LIMS1: variants seen among roughly 807,000 people sequenced by gnomAD.
LIMS1 encodes the protein LIM zinc finger domain containing 1.
In LIMS1, 18 loss-of-function variants were observed where a neutral mutation model predicts 44.1. The ratio of observed to expected loss-of-function variants is 0.41; its 90% CI spans 0.28 to 0.61. The LOEUF is 0.61. Among genes scored for constraint, LIMS1 ranks in the 20% least tolerant of loss-of-function variants. The pLI, the probability that LIMS1 is intolerant of heterozygous loss-of-function variation, is 0.32. For synonymous variants in LIMS1, 93 were observed against 149.1 expected (o/e 0.62, Z 2.74); for missense variants, 201 against 422.0 (o/e 0.48, Z 4.59).
intron 1 of LIMS1, among the ~76,000 whole-genome samples, chr2:108,649,497 A>G (rs1008155666): frequency 6.6e-6 from 1 of 152,216 alleles, no homozygotes; most frequent in Non-Finnish European, 1.5e-5. Flanking sequence ...AGGATTATAA[A>G]TCATTCTATA....
At chr2:108,554,257 C>G (rs972621254) in intron 1 of LIMS1, among the ~76,000 whole-genome samples, 3 of 152,142 alleles carry the variant, frequency 2.0e-5, no homozygotes, top group African/African-American at 7.2e-5. Flanking sequence ...CTAGGAGATG[C>G]TGCTACTTAT....
intron 1 of LIMS1, among the ~76,000 whole-genome samples, chr2:108,585,138 A>C (rs899002454): frequency 7.6e-6 from 1 of 130,784 alleles, no homozygotes; most frequent in African/African-American, 3.0e-5. Context: ...GCAACAGAGC[A>C]TGACTCCGTC....
At chr2:108,586,888 C>T (rs1250705157) in intron 1 of LIMS1, among the ~76,000 whole-genome samples, 19 of 152,168 alleles carry the variant, frequency 1.2e-4, no homozygotes, top group Admixed American at 1.2e-3. Context: ...CACTCGAAAG[C>T]AGCCTTTTCA....
chr2:108,570,147 T>G (rs1685434757), intron 1 of LIMS1, among the ~76,000 whole-genome samples: 4 of 152,080 alleles, frequency 2.6e-5, no homozygotes, highest in Admixed American at 2.0e-4. Context: ...ATAGTAATAC[T>G]AGGCCGGGAA....
chr2:108,657,709 T>C (rs1207590008), intron 1 of LIMS1, among the ~76,000 whole-genome samples: 2 of 152,426 alleles, frequency 1.3e-5, no homozygotes, highest in East Asian at 1.9e-4. Context: ...TACTGAGCAG[T>C]GAAGCTGCTT....
rs905298664 is a variant in LIMS1 at position 108,598,471 on chromosome 2, G to A, written c.33-61134G>A. 2.6e-5 allele frequency among the ~76,000 whole-genome samples: 4 copies of A among 152,288 alleles called. No homozygotes were observed. In the South Asian group the frequency reaches 6.2e-4, roughly 24 times the overall value. The stretch of plus-strand genomic sequence containing the variant: ...AAGGAAAGCTGAAGGTAGGGCAGCC[G>A]GATGGTTAGCTTTGCAGATATGAGG... On this transcript the variant is annotated intron_variant, in intron 1 of 9. Coordinates refer to ENST00000544547, the Ensembl canonical transcript of LIMS1.
exon 3 of LIMS1, chr2:108,670,819 G>A (rs1692115115): frequency 6.2e-7 from 1 of 1,610,972 alleles, no homozygotes; most frequent in Non-Finnish European, 8.5e-7. Flanking sequence ...ACTTTCAGAT[G>A]CTCTTTGCCC....
chr2:108,579,491 C>T (rs1436663319), intron 1 of LIMS1, among the ~76,000 whole-genome samples: 5 of 152,098 alleles, frequency 3.3e-5, no homozygotes, highest in Non-Finnish European at 7.4e-5. Context: ...AAGTGCACAA[C>T]TTAGGAATTT....
At position 108,637,097 on chromosome 2, in the gene LIMS1, A is replaced by G. The variant is rs922232414; in HGVS notation, c.33-22508A>G. On this transcript the variant is annotated intron_variant, in intron 1 of 9. Transcript: ENST00000544547. Reference sequence around the variant, plus strand: ...TTTTTAAATTCAGCAAAATATACATATATGTGTGTGTGTGTGTGTGTGTGT... The same window carrying G: ...TTTTTAAATTCAGCAAAATATACATGTATGTGTGTGTGTGTGTGTGTGTGT... 1.4e-3 allele frequency among the ~76,000 whole-genome samples: 184 copies of G among 132,124 alleles called. 2 individuals carry two copies. The highest frequency in any genetic ancestry group is 3.7e-4 in the Non-Finnish European group (23 of 61,644). The allele number at this position is 132,124 out of a possible 152,430, so 86.7% of individuals were successfully genotyped here.
At chr2:108,662,718 T>C (rs189864802) in intron 2 of LIMS1, 12,205 of 938,306 alleles carry the variant, frequency 0.013, 97 homozygotes, top group Non-Finnish European at 0.015. Context: ...AAAGAAAGCT[T>C]GGAAACTTAC....
intron 1 of LIMS1, among the ~76,000 whole-genome samples, chr2:108,599,151 G>C (rs192871445): frequency 8.7e-4 from 132 of 151,952 alleles, no homozygotes; most frequent in Non-Finnish European, 1.7e-3. Flanking sequence ...TAATGTTTTT[G>C]TACCCATTAA....
chr2:108,543,830 A>G (rs1395328285), intron 1 of LIMS1, among the ~76,000 whole-genome samples: 1 of 152,210 alleles, frequency 6.6e-6, no homozygotes, highest in African/African-American at 2.4e-5. Flanking sequence ...AACTGGTTGC[A>G]GAAATAAAAA....
intron 5 of LIMS1, chr2:108,673,511 AGAGTAGCT>A (rs1558840945): frequency 5.4e-6 from 1 of 186,626 alleles, no homozygotes; most frequent in African/African-American, 2.4e-5. Context: ...TTCAGCCTCC[AGAGTAGCT>A]GAGACCACAG....
intron 8 of LIMS1, among the ~76,000 whole-genome samples, chr2:108,680,200 C>T (rs150813478): frequency 0.02 from 3,068 of 151,870 alleles, 66 homozygotes; most frequent in African/African-American, 0.047. Flanking sequence ...GAAATCCCGT[C>T]TCTATTAAAT....
intron 1 of LIMS1, among the ~76,000 whole-genome samples, chr2:108,646,738 G>T (rs1690089799): frequency 6.6e-6 from 1 of 152,108 alleles, no homozygotes; most frequent in Admixed American, 6.5e-5. Context: ...ACGGAGTCTG[G>T]CTCTGTCGCC....
At chr2:108,561,409 T>C (rs1188651394) in intron 1 of LIMS1, among the ~76,000 whole-genome samples, 1 of 152,172 alleles carries the variant, frequency 6.6e-6, no homozygotes, top group Non-Finnish European at 1.5e-5. Flanking sequence ...GGCTAAGCAG[T>C]GTGATCAAGG....
intron 1 of LIMS1, among the ~76,000 whole-genome samples, chr2:108,565,883 C>T (rs1685275570): frequency 6.6e-6 from 1 of 152,140 alleles, no homozygotes; most frequent in Non-Finnish European, 1.5e-5. Context: ...AAGTTCCCAC[C>T]AGCCCTTCAC....
chr2:108,586,496 A>ATAAAG (rs1686111045), intron 1 of LIMS1, among the ~76,000 whole-genome samples: 1 of 152,230 alleles, frequency 6.6e-6, no homozygotes, highest in Non-Finnish European at 1.5e-5. Flanking sequence ...TGAATAAGTA[A>ATAAAG]TAAAGTAATA....
rs1416948588 is a variant in LIMS1, at chr2:108,619,591, C to T, written c.33-40014C>T. ...CCCAGCTACTGGGGAGGCTGAGGCA[C>T]GAGAATCACTTGAACCCGGGAGGCG... On this transcript the variant is annotated intron_variant, in intron 1 of 9. Coordinates refer to ENST00000544547, the Ensembl canonical transcript of LIMS1. Among the ~76,000 whole-genome samples the T allele has an allele frequency of 6.6e-5, 10 of 151,738 alleles. 1 individual carries two copies. The highest frequency in any genetic ancestry group is 6.6e-4 in the Admixed American group (10 of 15,244).
Sources: allele counts gnomAD v4.1 joint callset (sites outside exome capture counted in the v4.1 genomes callset), GRCh38; gene constraint gnomAD v4.1.1; transcripts MANE v1.5; gene names NCBI Gene and HGNC (gene_info 2026-07-23, HGNC 2026-07-21).